The following RTL4 variants were observed in gnomAD, a reference collection of about 807,000 sequenced individuals.
RTL4 encodes retrotransposon Gag like 4.
In RTL4, 4 loss-of-function variants were observed where a neutral mutation model predicts 5.3. The ratio of observed to expected loss-of-function variants is 0.75; its 90% CI spans 0.37 to 1.72. The LOEUF is 1.72. Among genes scored for constraint, RTL4 ranks in the 40% most tolerant of loss-of-function variants. The pLI, the probability that RTL4 is intolerant of heterozygous loss-of-function variation, is 0.04. For missense variants in RTL4, 260 were observed against 227.1 expected, an observed-to-expected ratio of 1.14 and a Z score of -0.93; for synonymous variants, 98 against 87.3, an observed-to-expected ratio of 1.12 and a Z score of -0.68.
chrX:112,368,703 C>A, the RTL4 span, among the ~76,000 whole-genome samples: 4 of 111,282 alleles, frequency 3.6e-5, no homozygotes, highest in Non-Finnish European at 5.7e-5. Flanking sequence ...AAATCTTGGG[C>A]TAGACAACAT....
the RTL4 span, among the ~76,000 whole-genome samples, chrX:112,369,752 C>G: frequency 1.8e-5 from 2 of 111,973 alleles, no homozygotes; most frequent in African/African-American, 6.5e-5. Flanking sequence ...TGGCTAGAAG[C>G]TAGAAGACCA....
chrX:112,323,291 T>C, the RTL4 span, among the ~76,000 whole-genome samples: 2 of 111,250 alleles, frequency 1.8e-5, no homozygotes, highest in African/African-American at 3.3e-5. Flanking sequence ...TACTCTTCAA[T>C]GAGTTGATTA....
the RTL4 span, among the ~76,000 whole-genome samples, chrX:112,267,236 C>T: frequency 8.9e-6 from 1 of 112,184 alleles, no homozygotes; most frequent in Non-Finnish European, 1.9e-5. Flanking sequence ...TCAAATCAGG[C>T]TTTTGCCTCG....
At chrX:112,416,989 G>A in the RTL4 span, among the ~76,000 whole-genome samples, 1 of 111,807 alleles carries the variant, frequency 8.9e-6, no homozygotes, top group Non-Finnish European at 1.9e-5. Flanking sequence ...GGTGGACAAT[G>A]TAATCCAAAG....
the RTL4 span, among the ~76,000 whole-genome samples, chrX:112,286,383 G>C: frequency 8.9e-6 from 1 of 111,775 alleles, no homozygotes; most frequent in Non-Finnish European, 1.9e-5. Context: ...TTGGAATTTT[G>C]TTTCAAGTGT....
chrX:112,361,393 T>G, the RTL4 span, among the ~76,000 whole-genome samples: 1 of 111,447 alleles, frequency 9.0e-6, no homozygotes, highest in Non-Finnish European at 1.9e-5. Context: ...TGCCTCCTAA[T>G]CTTACCCACG....
the RTL4 span, among the ~76,000 whole-genome samples, chrX:112,425,893 C>G: frequency 1.8e-5 from 2 of 111,640 alleles, no homozygotes; most frequent in African/African-American, 6.5e-5. Context: ...TCTTCCCACT[C>G]TCTTAACATT....
chrX:112,273,142 C>G, the RTL4 span, among the ~76,000 whole-genome samples: 1 of 111,967 alleles, frequency 8.9e-6, no homozygotes, highest in Admixed American at 9.5e-5. Flanking sequence ...GGATTAAACT[C>G]TGACTCTGTC....
the RTL4 span, among the ~76,000 whole-genome samples, chrX:112,243,822 T>C: frequency 8.9e-6 from 1 of 111,906 alleles, no homozygotes; most frequent in Non-Finnish European, 1.9e-5. Context: ...CTGCTTTCTC[T>C]TGTGGGCATT....
At chrX:112,153,813 CTCTT>C in the RTL4 span, among the ~76,000 whole-genome samples, 1 of 111,207 alleles carries the variant, frequency 9.0e-6, no homozygotes, top group African/African-American at 3.3e-5. Context: ...AGGTGTGGAT[CTCTT>C]TGAGTTTATC....
chrX:112,401,564 T>C, the RTL4 span, among the ~76,000 whole-genome samples: 1 of 111,846 alleles, frequency 8.9e-6, no homozygotes, highest in Non-Finnish European at 1.9e-5. Context: ...ACTTATACAT[T>C]CTTGGCTTCA....
chrX:112,316,472 A>G, the RTL4 span, among the ~76,000 whole-genome samples: 2 of 111,773 alleles, frequency 1.8e-5, no homozygotes, highest in Non-Finnish European at 3.8e-5. Flanking sequence ...AATTCAAATT[A>G]TTTAATGGGG....
the RTL4 span, among the ~76,000 whole-genome samples, chrX:112,151,668 C>G: frequency 3.5e-4 from 39 of 112,149 alleles, no homozygotes; most frequent in Admixed American, 3.3e-3. Context: ...TCAGTTTGCC[C>G]TATACGTTCC....
At chrX:112,295,844 C>T in the RTL4 span, among the ~76,000 whole-genome samples, 1 of 112,383 alleles carries the variant, frequency 8.9e-6, no homozygotes, top group Non-Finnish European at 1.9e-5. Context: ...GCAGTTTGCA[C>T]AGAGTGTTTT....
At chrX:112,178,749 A>G in the RTL4 span, among the ~76,000 whole-genome samples, 1 of 111,185 alleles carries the variant, frequency 9.0e-6, no homozygotes, top group Non-Finnish European at 1.9e-5. Context: ...CTTCCCTAGA[A>G]TCACATCATA....
At chrX:112,097,355 G>A in the RTL4 span, among the ~76,000 whole-genome samples, 2 of 110,993 alleles carry the variant, frequency 1.8e-5, no homozygotes, top group East Asian at 5.7e-4. Flanking sequence ...AGAGAAACAG[G>A]CCAGGCATGG....
the RTL4 span, among the ~76,000 whole-genome samples, chrX:112,332,333 T>C: frequency 9.1e-6 from 1 of 110,496 alleles, no homozygotes; most frequent in Admixed American, 9.7e-5. Flanking sequence ...CATTACTGGG[T>C]ATATACCCAA....
At chrX:112,374,343 G>T in the RTL4 span, among the ~76,000 whole-genome samples, 1 of 111,184 alleles carries the variant, frequency 9.0e-6, no homozygotes, top group African/African-American at 3.3e-5. Context: ...CTATCTGCTC[G>T]ATTGATCTAT....
the RTL4 span, among the ~76,000 whole-genome samples, chrX:112,157,462 C>G: frequency 0.023 from 2,530 of 110,943 alleles, 38 homozygotes; most frequent in Non-Finnish European, 0.035. Flanking sequence ...TTTGGAAAAA[C>G]CTGTGATCTC....
Sources: allele counts gnomAD v4.1 joint callset (sites outside exome capture counted in the v4.1 genomes callset), GRCh38; gene constraint gnomAD v4.1.1; transcripts MANE v1.5; gene names NCBI Gene and HGNC (gene_info 2026-07-23, HGNC 2026-07-21).